Variants in ADGRV1 observed in about 807,000 individuals in gnomAD.
ADGRV1 encodes the protein G-protein coupled receptor 98.
A neutral mutation model predicts 596.2 loss-of-function variants in ADGRV1; 359 were observed. The observed-to-expected ratio is 0.60, with a 90% CI of 0.55 to 0.66. ADGRV1 has a LOEUF of 0.66. Ranked by LOEUF, ADGRV1 falls within the 30% of genes least tolerant of loss-of-function variation. The probability of loss-of-function intolerance (pLI) is 0.00; values close to 1 mark genes in which losing one functional copy is unlikely to be tolerated. For missense variants in ADGRV1, 7,274 were observed against 7,575.6 expected (o/e 0.96, Z 1.48); for synonymous variants, 2,681 against 2,679.2 (o/e 1.00, Z -0.02).
At chr5:91,104,542 C>T (rs1791675929) in intron 87 of ADGRV1, among the ~76,000 whole-genome samples, 1 of 152,138 alleles carries the variant, frequency 6.6e-6, no homozygotes, top group African/African-American at 2.4e-5. Context: ...TTCTATCTAG[C>T]TGTAATTTTA....
chr5:90,892,169 T>C (rs1316735334), intron 83 of ADGRV1, among the ~76,000 whole-genome samples: 1 of 152,066 alleles, frequency 6.6e-6, no homozygotes, highest in Non-Finnish European at 1.5e-5. Context: ...TCTCTCAATG[T>C]TGCAAAATTT....
chr5:90,843,379 A>C (rs1216848427), intron 78 of ADGRV1, among the ~76,000 whole-genome samples: 1 of 152,250 alleles, frequency 6.6e-6, no homozygotes, highest in Non-Finnish European at 1.5e-5. Flanking sequence ...AAAATTTTAT[A>C]TGTGATAAAG....
At chr5:90,824,424 A>G (rs986269975) in intron 76 of ADGRV1, among the ~76,000 whole-genome samples, 2 of 152,236 alleles carry the variant, frequency 1.3e-5, no homozygotes, top group Non-Finnish European at 2.9e-5. Flanking sequence ...TATATAGGAA[A>G]GTTGATGCAG....
chr5:90,563,999 G>A (rs909900907), intron 1 of ADGRV1, among the ~76,000 whole-genome samples: 5 of 152,148 alleles, frequency 3.3e-5, no homozygotes, highest in Admixed American at 2.0e-4. Flanking sequence ...TCATCTTTTG[G>A]TGTAACACTG....
intron 21 of ADGRV1, among the ~76,000 whole-genome samples, chr5:90,666,032 A>G (rs1178895286): frequency 6.6e-6 from 1 of 151,742 alleles, no homozygotes; most frequent in Non-Finnish European, 1.5e-5. Flanking sequence ...CTTTACTTCC[A>G]AGTACGTGGT....
chr5:90,615,252 G>A (rs1222202371), intron 2 of ADGRV1, among the ~76,000 whole-genome samples: 1 of 151,768 alleles, frequency 6.6e-6, no homozygotes, highest in Admixed American at 6.6e-5. Context: ...TGATCATTTT[G>A]TAGTGTTCAT....
intron 45 of ADGRV1, among the ~76,000 whole-genome samples, chr5:90,723,038 AC>A (rs1751295222): frequency 6.6e-6 from 1 of 152,118 alleles, no homozygotes; most frequent in Admixed American, 6.6e-5. Flanking sequence ...AACGGTGTCA[AC>A]CCCTGGTGAG....
intron 85 of ADGRV1, among the ~76,000 whole-genome samples, chr5:91,051,589 C>T (rs997843800): frequency 2.8e-5 from 4 of 142,680 alleles, no homozygotes; most frequent in African/African-American, 7.9e-5. Context: ...CTCTGTCGCC[C>T]AGGCTGGAGT....
intron 70 of ADGRV1, among the ~76,000 whole-genome samples, chr5:90,796,213 G>C (rs1235226151): frequency 6.6e-6 from 1 of 152,112 alleles, no homozygotes; most frequent in Non-Finnish European, 1.5e-5. Context: ...CCAATGCAAG[G>C]AAGCTAGGAA....
At chr5:90,577,818 G>A (rs1044466079) in intron 1 of ADGRV1, among the ~76,000 whole-genome samples, 1 of 152,088 alleles carries the variant, frequency 6.6e-6, no homozygotes, top group South Asian at 2.1e-4. Context: ...AGTTCTCCTT[G>A]AAGAGATCCT....
At chr5:90,990,902 A>T (rs1780906788) in intron 85 of ADGRV1, among the ~76,000 whole-genome samples, 1 of 152,216 alleles carries the variant, frequency 6.6e-6, no homozygotes, top group Admixed American at 6.5e-5. Flanking sequence ...ATTCTTGGCT[A>T]CTTTAGGTAA....
intron 14 of ADGRV1, among the ~76,000 whole-genome samples, chr5:90,644,437 G>A (rs374271610): frequency 4.7e-4 from 71 of 152,196 alleles, no homozygotes; most frequent in Non-Finnish European, 6.3e-4. Context: ...TGCCTAATTC[G>A]TCATCATTCT....
chr5:90,625,300 C>A (rs1764598334), intron 6 of ADGRV1, 57 bp downstream of exon 6: 1 of 1,087,720 alleles, frequency 9.2e-7, no homozygotes. Context: ...AGGACACAGT[C>A]CTGTATAAAC....
chr5:90,781,542 A>G lies in ADGRV1; in HGVS notation c.13195A>G (p.Ile4399Val), dbSNP rs2150095237. The G allele has an allele frequency of 6.2e-7, 1 of 1,611,150 alleles. No homozygotes were observed. The highest frequency in any genetic ancestry group is 1.7e-5 in the Admixed American group (1 of 59,764). ...IIMKNDNAEG[I>V]IEFDPKYTAF... Reference sequence around the variant, plus strand: ...AATGAAAAATGATAACGCAGAAGGCATCATTGAATTTGACCCAAAGTATAC... The same window carrying G: ...AATGAAAAATGATAACGCAGAAGGCGTCATTGAATTTGACCCAAAGTATAC... Residue 4399 changes from isoleucine (I) to valine (V), a missense_variant, in exon 65 of 90, where the codon ATC becomes GTC. Coordinates refer to ENST00000405460, the MANE Select transcript of ADGRV1 (RefSeq NM_032119.4).
At chr5:90,969,414 T>C (rs1465831961) in intron 84 of ADGRV1, among the ~76,000 whole-genome samples, 1 of 152,168 alleles carries the variant, frequency 6.6e-6, no homozygotes, top group Non-Finnish European at 1.5e-5. Flanking sequence ...GGTCCGACTT[T>C]GAGTGAGGTG....
At chr5:91,113,155 A>G (rs1792527969) in intron 87 of ADGRV1, among the ~76,000 whole-genome samples, 1 of 152,104 alleles carries the variant, frequency 6.6e-6, no homozygotes. Context: ...GATCTGTTGT[A>G]TGTCATTCAC....
At chr5:90,972,607 G>A (rs997061175) in intron 84 of ADGRV1, among the ~76,000 whole-genome samples, 1 of 152,114 alleles carries the variant, frequency 6.6e-6, no homozygotes, top group Non-Finnish European at 1.5e-5. Context: ...TGACTACTGG[G>A]TAAATAACGA....
chr5:91,145,612 T>C (rs890223623), intron 87 of ADGRV1, among the ~76,000 whole-genome samples: 2 of 152,110 alleles, frequency 1.3e-5, no homozygotes, highest in African/African-American at 4.8e-5. Flanking sequence ...AATTCACTTA[T>C]TATCATACAC....
In ADGRV1 at chr5:90,683,630, G is replaced by A. The variant is rs1424711351; in HGVS notation, c.5709G>A (p.Trp1903Ter). The A allele has an allele frequency of 6.2e-7, 1 of 1,609,854 alleles. No homozygotes were observed. Among genetic ancestry groups the A allele is most frequent in the Non-Finnish European group, 8.5e-7 (1 of 1,176,542 alleles). ...CTCTGTCTCCAGTGACTTTGCATTGGAACATAGACTCTGATCCTGATGGTG... is the reference window on the plus strand; with the variant it reads ...CTCTGTCTCCAGTGACTTTGCATTGAAACATAGACTCTGATCCTGATGGTG... ...HGTLSPVTLH[W>*]NIDSDPDGDL... The change falls in exon 28 of 90, where the codon TGG becomes TGA. Residue 1903 changes from tryptophan to a stop codon, truncating the protein, a stop_gained. Coordinates refer to ENST00000405460, the MANE Select transcript of ADGRV1 (RefSeq NM_032119.4). LOFTEE classifies it high-confidence loss of function.
Sources: allele counts gnomAD v4.1 joint callset (sites outside exome capture counted in the v4.1 genomes callset), GRCh38; gene constraint gnomAD v4.1.1; transcripts MANE v1.5; gene names NCBI Gene and HGNC (gene_info 2026-07-23, HGNC 2026-07-21).